The following TMPRSS11A variants were observed in gnomAD, a reference collection of about 807,000 sequenced individuals.
The protein encoded by TMPRSS11A is transmembrane serine protease 11A.
In TMPRSS11A, 53 loss-of-function variants were observed where a neutral mutation model predicts 58.9. That is an observed-to-expected ratio of 0.90 (90% CI 0.72 to 1.13). The LOEUF is 1.13. TMPRSS11A is among the 50% of genes most tolerant of loss of function. The pLI is 0.00. For synonymous variants in TMPRSS11A, 167 were observed against 169.8 expected, an observed-to-expected ratio of 0.98 and a Z score of 0.13; for missense variants, 493 against 499.3, an observed-to-expected ratio of 0.99 and a Z score of 0.12.
intron 1 of TMPRSS11A, 82 bp downstream of exon 1, chr4:67,963,301 G>A: frequency 2.1e-6 from 3 of 1,434,442 alleles, no homozygotes; most frequent in Non-Finnish European, 2.9e-6. Context: ...CACCTCACTA[G>A]CAGTCCTCTT....
At chr4:67,953,950 A>G (rs553877956) in intron 1 of TMPRSS11A, among the ~76,000 whole-genome samples, 3 of 152,310 alleles carry the variant, frequency 2.0e-5, no homozygotes, top group South Asian at 4.1e-4. Context: ...TTCTGCCTCT[A>G]ACTCCCAGAT....
chr4:67,936,154 C>T (rs1720747129), intron 3 of TMPRSS11A, among the ~76,000 whole-genome samples: 1 of 152,122 alleles, frequency 6.6e-6, no homozygotes, highest in Non-Finnish European at 1.5e-5. Flanking sequence ...CAGGTAGGTT[C>T]TCACTAAGAC....
rs199814727 is a variant in TMPRSS11A, at chr4:67,927,124, C to A, written c.481+2756G>T. Among the ~76,000 whole-genome samples, 38 of 152,328 alleles carry A rather than the reference C, an allele frequency of 2.5e-4. No homozygotes were observed. In the East Asian group the frequency reaches 6.6e-3, roughly 26 times the overall value. On this transcript the variant is annotated intron_variant, in intron 5 of 9. Transcript: ENST00000508048. ...TGCTCACCCTCCACTTGTCTGCATACCTCATTCTTCTTGGTCTCAGGACAA... is the reference window on the plus strand; with the variant it reads ...TGCTCACCCTCCACTTGTCTGCATAACTCATTCTTCTTGGTCTCAGGACAA...
At chr4:67,960,454 T>A (rs1721396298) in intron 1 of TMPRSS11A, among the ~76,000 whole-genome samples, 1 of 152,192 alleles carries the variant, frequency 6.6e-6, no homozygotes, top group Non-Finnish European at 1.5e-5. Context: ...TTGGGCTACT[T>A]TCTTCACCTA....
intron 6 of TMPRSS11A, 149 bp downstream of exon 6, chr4:67,923,979 G>T: frequency 1.3e-6 from 1 of 761,936 alleles, no homozygotes. Context: ...CCATGAGTTA[G>T]AAAAAAAATG....
intron 5 of TMPRSS11A, among the ~76,000 whole-genome samples, chr4:67,927,318 A>G (rs1720500261): frequency 1.3e-5 from 2 of 152,120 alleles, no homozygotes; most frequent in Non-Finnish European, 1.5e-5. Context: ...CCTCTTTGGG[A>G]CCCTGCAGTT....
At chr4:67,954,261 G>A (rs1721230066) in intron 1 of TMPRSS11A, among the ~76,000 whole-genome samples, 1 of 152,220 alleles carries the variant, frequency 6.6e-6, no homozygotes, top group Non-Finnish European at 1.5e-5. Context: ...GAAGGGGACT[G>A]AGAGCACCTT....
At chr4:67,931,876 T>C (rs1720632918) in intron 4 of TMPRSS11A, 117 bp downstream of exon 4, 1 of 648,928 alleles carries the variant, frequency 1.5e-6, no homozygotes, top group Non-Finnish European at 2.7e-6. Context: ...GTAATGTTTA[T>C]GAAAAATTCT....
intron 7 of TMPRSS11A, among the ~76,000 whole-genome samples, chr4:67,919,609 A>C (rs1720264542): frequency 6.6e-6 from 1 of 152,210 alleles, no homozygotes; most frequent in Admixed American, 6.5e-5. Flanking sequence ...ATTCCAGAGA[A>C]GGAAAAGGAT....
chr4:67,950,706 T>G (rs574928144), intron 1 of TMPRSS11A, among the ~76,000 whole-genome samples: 1 of 152,306 alleles, frequency 6.6e-6, no homozygotes, highest in Admixed American at 6.5e-5. Context: ...AGAAAGCATG[T>G]GAGATTTAAA....
chr4:67,963,296 C>T, intron 1 of TMPRSS11A, 87 bp downstream of exon 1: 1 of 1,390,782 alleles, frequency 7.2e-7, no homozygotes, highest in Non-Finnish European at 1.0e-6. Flanking sequence ...AAAGACACCT[C>T]ACTAGCAGTC....
chr4:67,934,552 T>C (rs1720705335), intron 3 of TMPRSS11A, among the ~76,000 whole-genome samples: 1 of 152,194 alleles, frequency 6.6e-6, no homozygotes, highest in Non-Finnish European at 1.5e-5. Context: ...TCTCTCTCTT[T>C]AGGGCATTTC....
chr4:67,927,631 G>T (rs1720509041), intron 5 of TMPRSS11A, among the ~76,000 whole-genome samples: 1 of 152,202 alleles, frequency 6.6e-6, no homozygotes, highest in Non-Finnish European at 1.5e-5. Flanking sequence ...AGCCCAGTGG[G>T]CCAGAGCAAA....
At chr4:67,951,156 C>G (rs991025994) in intron 1 of TMPRSS11A, among the ~76,000 whole-genome samples, 10 of 152,202 alleles carry the variant, frequency 6.6e-5, no homozygotes, top group African/African-American at 2.4e-4. Context: ...TAGACCAATC[C>G]AAATCCATTA....
intron 1 of TMPRSS11A, among the ~76,000 whole-genome samples, chr4:67,948,366 GC>G (rs1334823640): frequency 6.6e-6 from 1 of 152,008 alleles, no homozygotes; most frequent in Non-Finnish European, 1.5e-5. Context: ...CATGGTGTTA[GC>G]CAGGATGGTC....
intron 8 of TMPRSS11A, among the ~76,000 whole-genome samples, chr4:67,918,457 G>T (rs1350605052): frequency 6.6e-6 from 1 of 152,160 alleles, no homozygotes; most frequent in Non-Finnish European, 1.5e-5. Flanking sequence ...TAGGCATAAA[G>T]AATATTTGAG....
intron 1 of TMPRSS11A, among the ~76,000 whole-genome samples, chr4:67,947,235 T>C (rs927817684): frequency 9.8e-5 from 15 of 152,318 alleles, no homozygotes; most frequent in African/African-American, 3.6e-4. Flanking sequence ...ATGATATTTC[T>C]GCCATATCAT....
chr4:67,944,097 C>T lies in TMPRSS11A; in HGVS notation c.252+422G>A, dbSNP rs546405308. On this transcript the variant is annotated intron_variant, in intron 3 of 9. Transcript: ENST00000508048. ...TTTATCAATATACTTACAAGATGAACGTAAATTCTGAAAATACTCAAAATC... is the reference window on the plus strand; with the variant it reads ...TTTATCAATATACTTACAAGATGAATGTAAATTCTGAAAATACTCAAAATC... 1.6e-4 allele frequency among the ~76,000 whole-genome samples: 24 copies of T among 152,084 alleles called. No homozygotes were observed. In the East Asian group the frequency reaches 1.7e-3, roughly 11 times the overall value.
intron 9 of TMPRSS11A, among the ~76,000 whole-genome samples, chr4:67,912,144 A>G (rs1028246658): frequency 4.6e-5 from 7 of 152,094 alleles, no homozygotes; most frequent in African/African-American, 1.2e-4. Context: ...TTTCATGTGG[A>G]TAGTTTTCTA....
Sources: allele counts gnomAD v4.1 joint callset (sites outside exome capture counted in the v4.1 genomes callset), GRCh38; gene constraint gnomAD v4.1.1; transcripts MANE v1.5; gene names NCBI Gene and HGNC (gene_info 2026-07-23, HGNC 2026-07-21).